Variants in TMEM47 observed in about 807,000 individuals in gnomAD.
TMEM47 encodes brain cell membrane protein 1.
TMEM47 carries 3 observed loss-of-function variants against 12.4 expected under a neutral mutation model. The ratio of observed to expected loss-of-function variants is 0.24; its 90% confidence interval spans 0.11 to 0.63. The LOEUF (loss-of-function observed/expected upper bound fraction) is 0.63, where lower values mean the gene tolerates loss of function less well. Ranked by LOEUF, TMEM47 falls within the 20% of genes least tolerant of loss-of-function variation. The pLI, the probability that TMEM47 is intolerant of heterozygous loss-of-function variation, is 0.86. For synonymous variants in TMEM47, 62 were observed against 63.3 expected (o/e 0.98, Z 0.10); for missense variants, 89 against 143.8 (o/e 0.62, Z 1.95).
chrX:34,639,696 TTAAATTTTTATCGAGCAA>T (rs765030355), intron 1 of TMEM47, among the ~76,000 whole-genome samples: 19 of 111,913 alleles, frequency 1.7e-4, no homozygotes, highest in Non-Finnish European at 3.0e-4. Context: ...TTATTATGAT[TTAAATTTTTATCGAGCAA>T]TAAAGTTCAC....
intron 2 of TMEM47, among the ~76,000 whole-genome samples, chrX:34,638,720 A>G (rs757098863): frequency 2.8e-4 from 31 of 112,421 alleles, no homozygotes; most frequent in African/African-American, 9.0e-4. Context: ...TTGATATTTT[A>G]ATCCAAGCTG....
rs769011157 is a variant in TMEM47 at position 34,630,169 on chromosome X, A to G, written c.*144T>C. 50 of 579,804 alleles carry G rather than the reference A, an allele frequency of 8.6e-5. No homozygotes were observed. The highest frequency in any genetic ancestry group is 1.2e-4 in the Non-Finnish European group (48 of 387,914). 47.8% of individuals were successfully genotyped at this position (579,804 alleles called of 1,213,427 possible). On this transcript the variant is annotated 3_prime_UTR_variant, in exon 3 of 3. Transcript: ENST00000275954. ...TGTAAAAGCTGGTTATGATGTTGAC[A>G]GCCAAAAGGCAAAAAAGATTAAATC...
rs1921523804 is a variant in TMEM47, at chrX:34,627,225, T to G, written c.*3088A>C. On this transcript the variant is annotated 3_prime_UTR_variant, in exon 3 of 3. Coordinates refer to ENST00000275954, the MANE Select transcript of TMEM47 (RefSeq NM_031442.4). ...TTTCCCCCAGATGACTTAAAAAAAA[T>G]AACCAGGATACCATGAATTCATGTT... 8.9e-6 allele frequency: 1 copy of G among 111,874 alleles called. No individual in the cohort carries two copies. Among genetic ancestry groups the G allele is most frequent in the South Asian group, 3.7e-4 (1 of 2,703 alleles). 9.2% of individuals were successfully genotyped at this position (111,874 alleles called of 1,213,427 possible).
At chrX:34,631,581 T>A (rs1208203163) in intron 2 of TMEM47, among the ~76,000 whole-genome samples, 4 of 112,086 alleles carry the variant, frequency 3.6e-5, no homozygotes, top group Non-Finnish European at 7.5e-5. Context: ...CTAGGCCAAT[T>A]ATGGCTACTG....
chrX:34,647,908 C>T (rs1463610062), intron 1 of TMEM47, among the ~76,000 whole-genome samples: 1 of 111,461 alleles, frequency 9.0e-6, no homozygotes, highest in Admixed American at 9.5e-5. Context: ...TATTGTTAGC[C>T]AAGCTGAGAG....
chrX:34,634,107 C>G (rs1921672892), intron 2 of TMEM47, among the ~76,000 whole-genome samples: 1 of 110,516 alleles, frequency 9.0e-6, no homozygotes, highest in Admixed American at 9.6e-5. Flanking sequence ...AGGAAAATGC[C>G]ATTATACTAT....
rs1398622265 is a variant in TMEM47 at position 34,638,835 on chromosome X, A to G, written c.367+412T>C. ...ATACATCACACATTTTCAAAGAGATATACATCTTTAAGGGTAAACATTTTG... is the reference window on the plus strand; with the variant it reads ...ATACATCACACATTTTCAAAGAGATGTACATCTTTAAGGGTAAACATTTTG... On this transcript the variant is annotated intron_variant, in intron 2 of 2. Coordinates refer to ENST00000275954, the MANE Select transcript of TMEM47 (RefSeq NM_031442.4). 2.7e-5 allele frequency among the ~76,000 whole-genome samples: 3 copies of G among 112,178 alleles called. No individual in the cohort carries two copies. The Admixed American group carries it at 2.8e-4, about 11-fold the overall frequency.
At chrX:34,642,323 T>C (rs1362501051) in intron 1 of TMEM47, among the ~76,000 whole-genome samples, 1 of 112,693 alleles carries the variant, frequency 8.9e-6, no homozygotes, top group Non-Finnish European at 1.9e-5. Flanking sequence ...ATTTAATAAA[T>C]GAATAATACA....
At chrX:34,633,282 T>C (rs1921657544) in intron 2 of TMEM47, among the ~76,000 whole-genome samples, 1 of 111,913 alleles carries the variant, frequency 8.9e-6, no homozygotes, top group Non-Finnish European at 1.9e-5. Context: ...GCTGCTCTTT[T>C]AGATCAATCG....
intron 1 of TMEM47, among the ~76,000 whole-genome samples, chrX:34,642,215 C>G (rs1346321753): frequency 8.9e-6 from 1 of 112,678 alleles, no homozygotes; most frequent in East Asian, 2.8e-4. Context: ...CATGGCTGAG[C>G]TGCTGTTTGC....
intron 1 of TMEM47, among the ~76,000 whole-genome samples, chrX:34,646,855 C>A (rs763890093): frequency 3.6e-5 from 4 of 111,519 alleles, no homozygotes; most frequent in Admixed American, 1.9e-4. Context: ...CCCACCAGCT[C>A]CTTCTTAATG....
chrX:34,643,781 G>A (rs1001001742), intron 1 of TMEM47, among the ~76,000 whole-genome samples: 7 of 111,307 alleles, frequency 6.3e-5, no homozygotes, highest in Non-Finnish European at 1.1e-4. Context: ...TCAATGTCAC[G>A]CCAGCTGATT....
chrX:34,632,070 A>G (rs1346952431), intron 2 of TMEM47, among the ~76,000 whole-genome samples: 1 of 111,974 alleles, frequency 8.9e-6, no homozygotes, highest in Non-Finnish European at 1.9e-5. Context: ...TTTCTATGCA[A>G]CAATGGCAGA....
intron 2 of TMEM47, among the ~76,000 whole-genome samples, chrX:34,637,578 C>T (rs750973610): frequency 9.0e-6 from 1 of 110,956 alleles, no homozygotes; most frequent in South Asian, 3.9e-4. Flanking sequence ...CTAGCTGCTT[C>T]CTAAGACCCC....
rs749489375 is a variant in TMEM47, at chrX:34,637,132, CTTAA to C, written c.367+2111_367+2114del. Among the ~76,000 whole-genome samples the C allele has an allele frequency of 7.4e-4, 83 of 111,567 alleles. 1 individual carries two copies. Among genetic ancestry groups the C allele is most frequent in the African/African-American group, 2.5e-3 (77 of 30,748 alleles). On this transcript the variant is annotated intron_variant, in intron 2 of 2. Coordinates refer to ENST00000275954, the MANE Select transcript of TMEM47 (RefSeq NM_031442.4). Reference sequence around the variant, plus strand: ...TCTAGCACGTGGCACATGACAGGTGCTTAATTAATCATTCTTATCAGCATTATTA... The same window carrying C: ...TCTAGCACGTGGCACATGACAGGTGCTTAATCATTCTTATCAGCATTATTA...
At chrX:34,656,686 G>A in intron 1 of TMEM47, 118 bp downstream of exon 1, 1 of 1,094,453 alleles carries the variant, frequency 9.1e-7, no homozygotes, top group Non-Finnish European at 1.2e-6. Flanking sequence ...CCTGGACGGG[G>A]TGGGACGGGC....
intron 1 of TMEM47, among the ~76,000 whole-genome samples, chrX:34,640,797 C>T (rs904402195): frequency 1.8e-5 from 2 of 111,522 alleles, no homozygotes; most frequent in Non-Finnish European, 3.8e-5. Context: ...ATCCCTGTCT[C>T]AAGCATCCTC....
chrX:34,644,937 C>T (rs1263816844), intron 1 of TMEM47, among the ~76,000 whole-genome samples: 3 of 111,606 alleles, frequency 2.7e-5, no homozygotes, highest in East Asian at 2.8e-4. Context: ...TCTATAACTG[C>T]AATAAAATAA....
At chrX:34,654,406 C>A (rs1031031355) in intron 1 of TMEM47, among the ~76,000 whole-genome samples, 1 of 111,872 alleles carries the variant, frequency 8.9e-6, no homozygotes, top group Non-Finnish European at 1.9e-5. Flanking sequence ...AGATGTGGAT[C>A]TCTCAAAATC....
Sources: gnomAD v4.1 joint callset for allele counts (sites outside exome capture counted in the v4.1 genomes callset) on GRCh38, gnomAD v4.1.1 for gene constraint, MANE v1.5 for transcripts, NCBI Gene and HGNC (gene_info 2026-07-23, HGNC 2026-07-21) for gene names.